The following TM4SF18 variants were observed in gnomAD, a reference collection of about 807,000 sequenced individuals.
TM4SF18 encodes transmembrane 4 L six family member 18, also known as transmembrane 4 L6 family member 18.
In TM4SF18, 22 loss-of-function variants were observed where a neutral mutation model predicts 23.8. The observed-to-expected ratio is 0.92, with a 90% confidence interval of 0.66 to 1.32. The LOEUF (loss-of-function observed/expected upper bound fraction) is 1.32. Among genes scored for constraint, TM4SF18 ranks in the 40% most tolerant of loss-of-function variants. TM4SF18 has a pLI of 0.00. For missense variants in TM4SF18, 255 were observed against 240.3 expected (o/e 1.06, Z -0.41); for synonymous variants, 87 against 87.9 (o/e 0.99, Z 0.06).
At chr3:149,324,033 A>G (rs1730873373) in intron 4 of TM4SF18, among the ~76,000 whole-genome samples, 1 of 152,230 alleles carries the variant, frequency 6.6e-6, no homozygotes, top group Admixed American at 6.5e-5. Context: ...GCCTTGAACA[A>G]TAAAGCTAAT....
At chr3:149,329,899 A>G (rs1163116745) in intron 3 of TM4SF18, 2 of 152,642 alleles carry the variant, frequency 1.3e-5, no homozygotes, top group African/African-American at 4.8e-5. Flanking sequence ...AAGTAAATCA[A>G]AGGTTAATCT....
chr3:149,322,178 CTT>C (rs1730821301), intron 5 of TM4SF18, 76 bp downstream of exon 5: 3 of 1,281,024 alleles, frequency 2.3e-6, no homozygotes, highest in Non-Finnish European at 3.3e-6. Flanking sequence ...ATTCTAGAGT[CTT>C]TTCAAAAAGC....
chr3:149,326,638 T>C (rs1185783817), intron 3 of TM4SF18, among the ~76,000 whole-genome samples: 1 of 152,230 alleles, frequency 6.6e-6, no homozygotes, highest in Non-Finnish European at 1.5e-5. Context: ...TATCTGCATT[T>C]ATGTTATCAT....
At chr3:149,322,139 G>C (rs763277418) in intron 5 of TM4SF18, 117 bp downstream of exon 5, 38 of 859,248 alleles carry the variant, frequency 4.4e-5, no homozygotes, top group Non-Finnish European at 6.6e-5. Flanking sequence ...TAAAGATGAG[G>C]GCAATAGAAA....
At chr3:149,332,837 A>T (rs1285639251) in intron 2 of TM4SF18, among the ~76,000 whole-genome samples, 1 of 152,160 alleles carries the variant, frequency 6.6e-6, no homozygotes, top group Non-Finnish European at 1.5e-5. Flanking sequence ...TGCCCCTTCA[A>T]GCTAGAAAAA....
intron 2 of TM4SF18, 82 bp from the exon 3 acceptor site, chr3:149,330,501 G>T: frequency 1.1e-6 from 1 of 917,048 alleles, no homozygotes; most frequent in Non-Finnish European, 1.7e-6. Context: ...GCGTCTTCAA[G>T]CATAGAGTCT....
At position 149,319,080 on chromosome 3, in the gene TM4SF18, C is replaced by G. The variant is rs1197437319; in HGVS notation, c.*2398G>C. Reference sequence around the variant, plus strand: ...AGGTATCATGCTGCATTTGGCTGTACCCCTGATGTGTCCAATGCTGTGGTG... The same window carrying G: ...AGGTATCATGCTGCATTTGGCTGTAGCCCTGATGTGTCCAATGCTGTGGTG... On this transcript the variant is annotated 3_prime_UTR_variant, in exon 6 of 6. Coordinates refer to ENST00000296059, the MANE Select transcript of TM4SF18 (RefSeq NM_138786.4). The G allele has an allele frequency of 6.6e-6, 1 of 152,054 alleles. No homozygotes were observed. The highest frequency in any genetic ancestry group is 1.5e-5 in the Non-Finnish European group (1 of 68,020). 9.4% of individuals were successfully genotyped at this position (152,054 alleles called of 1,614,324 possible). A position where few individuals can be genotyped will look rare whatever the true frequency, so the allele number is the denominator to read the frequency against.
At position 149,333,371 on chromosome 3, in the gene TM4SF18, C is replaced by T. The variant is rs761199452; in HGVS notation, c.12G>A (p.Arg4=). The change falls in exon 2 of 6, where the codon CGG becomes CGA. Residue 4 remains arginine (R), a synonymous_variant. Transcript: ENST00000296059. ...AACAACTTAGGCAGCCTCCACACTT[C>T]CGAGACCCCATTTTGCCCTGCTTAG... MGS[R]KCGGCLSCLL... 4 of 1,611,966 alleles carry T rather than the reference C, an allele frequency of 2.5e-6. No homozygotes were observed. The highest frequency in any genetic ancestry group is 3.4e-6 in the Non-Finnish European group (4 of 1,178,940).
Position 149,324,906 on chromosome 3 carries a change from C to G in TM4SF18, c.384G>C (p.Glu128Asp). The G allele has an allele frequency of 6.2e-7, 1 of 1,614,156 alleles. No individual in the cohort carries two copies. Among genetic ancestry groups the G allele is most frequent in the South Asian group, 1.1e-5 (1 of 91,080 alleles). Residue 128 changes from glutamate (E) to aspartate (D), a missense_variant, in exon 4 of 6, where the codon GAG (glutamate) becomes GAC (aspartate). Coordinates refer to ENST00000296059, the MANE Select transcript of TM4SF18 (RefSeq NM_138786.4). The part of the protein sequence containing the change: ...GPYCRTLDGW[E>D]YAFEGTAGRF... ...GTCCAGCAGTGCCTTCAAAAGCATA[C>G]TCCCAGCCATCAAGGGTGCGGCAAT...
chr3:149,332,476 A>G (rs1731106890), intron 2 of TM4SF18, among the ~76,000 whole-genome samples: 1 of 152,168 alleles, frequency 6.6e-6, no homozygotes. Flanking sequence ...GTCATCAGGA[A>G]AACGTTCATG....
At chr3:149,329,156 T>TCACACACACACA (rs33985529) in intron 3 of TM4SF18, among the ~76,000 whole-genome samples, 16 of 142,230 alleles carry the variant, frequency 1.1e-4, no homozygotes, top group African/African-American at 3.3e-4. Context: ...AGTCAACTGG[T>TCACACACACACA]CACACACACA....
chr3:149,330,496 T>C (rs1375927339), intron 2 of TM4SF18, 77 bp from the exon 3 acceptor site: 8 of 966,256 alleles, frequency 8.3e-6, no homozygotes, highest in Middle Eastern at 3.1e-4. Context: ...GGACAGCGTC[T>C]TCAAGCATAG....
intron 2 of TM4SF18, among the ~76,000 whole-genome samples, chr3:149,331,720 T>C (rs1306975124): frequency 6.6e-6 from 1 of 152,214 alleles, no homozygotes; most frequent in Non-Finnish European, 1.5e-5. Flanking sequence ...AAAGTACACA[T>C]AATTCCACCA....
chr3:149,324,819 G>A (rs1160236585), intron 4 of TM4SF18, 61 bp downstream of exon 4: 2 of 1,602,254 alleles, frequency 1.2e-6, no homozygotes, highest in African/African-American at 2.7e-5. Flanking sequence ...GCGTGAGCTT[G>A]AGCATGAGGC....
At chr3:149,322,470 G>A (rs943921413) in intron 4 of TM4SF18, 34 bp from the exon 5 acceptor site, 12 of 1,569,994 alleles carry the variant, frequency 7.6e-6, no homozygotes, top group Non-Finnish European at 1.0e-5. Context: ...CTACATACTG[G>A]GTCCAAGGAA....
intron 3 of TM4SF18, 56 bp downstream of exon 3, chr3:149,330,274 A>C: frequency 8.4e-7 from 1 of 1,194,606 alleles, no homozygotes; most frequent in South Asian, 1.3e-5. Context: ...TTTCTGAGTG[A>C]GAGGAAAGAA....
rs777812501 is a variant in TM4SF18, at chr3:149,322,416, A to G, written c.431T>C (p.Ile144Thr). 32 of 1,613,786 alleles carry G rather than the reference A, an allele frequency of 2.0e-5. No individual in the cohort carries two copies. Among genetic ancestry groups the G allele is most frequent in the Non-Finnish European group, 2.0e-5 (24 of 1,179,908 alleles). Reference protein sequence around the residue: ...TAGRFLTDSSIWIQCLEPAHV... With the variant: ...TAGRFLTDSSTWIQCLEPAHV... ...TGCAGGTTCCAGGCACTGAATCCAT[A>G]TGCTAGAATCTGTAAGGAAACTGAG... The change falls in exon 5 of 6, where the codon ATA (isoleucine) becomes ACA (threonine). Residue 144 changes from isoleucine (I) to threonine (T), a missense_variant. By Grantham distance (89) the Ile-to-Thr change is moderately conservative. Transcript: ENST00000296059.
chr3:149,333,006 A>G (rs1408743505), intron 2 of TM4SF18, among the ~76,000 whole-genome samples, 200 bp downstream of exon 2: 1 of 152,172 alleles, frequency 6.6e-6, no homozygotes, highest in Non-Finnish European at 1.5e-5. Flanking sequence ...CTGAGGCTGC[A>G]TTGCTGAGCA....
chr3:149,330,168 G>A (rs976234323), intron 3 of TM4SF18, 162 bp downstream of exon 3: 6 of 405,898 alleles, frequency 1.5e-5, no homozygotes, highest in Admixed American at 1.3e-4. Flanking sequence ...GTGGAGGAAA[G>A]ACTAAGCAAA....
Sources: gnomAD v4.1 joint callset for allele counts (sites outside exome capture counted in the v4.1 genomes callset) on GRCh38, gnomAD v4.1.1 for gene constraint, MANE v1.5 for transcripts, NCBI Gene and HGNC (gene_info 2026-07-23, HGNC 2026-07-21) for gene names.